PCDHGA6: variants seen among roughly 807,000 people sequenced by gnomAD.
The protein encoded by PCDHGA6 is protocadherin gamma-A6.
A neutral mutation model predicts 60.6 loss-of-function variants in PCDHGA6; 41 were observed. The ratio of observed to expected loss-of-function variants is 0.68; its 90% CI spans 0.53 to 0.88. The LOEUF (loss-of-function observed/expected upper bound fraction) is 0.88. Ranked by LOEUF, PCDHGA6 falls within the 40% of genes least tolerant of loss-of-function variation. PCDHGA6 has a pLI of 0.00. For missense variants in PCDHGA6, 1,312 were observed against 1,203.0 expected (o/e 1.09, Z -1.34); for synonymous variants, 594 against 524.4 (o/e 1.13, Z -1.81).
intron 1 of PCDHGA6, chr5:141,413,675 G>C (rs773300658): frequency 6.2e-7 from 1 of 1,613,826 alleles, no homozygotes; most frequent in Non-Finnish European, 8.5e-7. Context: ...CCGGATGTGG[G>C]CGTGAACTCC....
intron 1 of PCDHGA6, among the ~76,000 whole-genome samples, chr5:141,429,664 ATTATT>A (rs2097234085): frequency 6.6e-6 from 1 of 152,214 alleles, no homozygotes; most frequent in Non-Finnish European, 1.5e-5. Context: ...TTTAAAATAT[ATTATT>A]TTATTTTATG....
intron 1 of PCDHGA6, chr5:141,478,308 T>A: frequency 6.2e-7 from 1 of 1,614,050 alleles, no homozygotes; most frequent in Non-Finnish European, 8.5e-7. Context: ...CGAGCCCCGG[T>A]GAGCTCACTG....
At chr5:141,456,099 G>A (rs1428094221) in intron 1 of PCDHGA6, among the ~76,000 whole-genome samples, 5 of 151,980 alleles carry the variant, frequency 3.3e-5, no homozygotes, top group East Asian at 1.9e-4. Flanking sequence ...GGATTTCACC[G>A]TGTTAGCCAG....
At chr5:141,502,368 G>A (rs2099813930) in intron 2 of PCDHGA6, among the ~76,000 whole-genome samples, 1 of 151,996 alleles carries the variant, frequency 6.6e-6, no homozygotes, top group East Asian at 1.9e-4. Context: ...TATTTTTAAA[G>A]AGTCCAGGCC....
At chr5:141,455,225 C>CA (rs2098817003) in intron 1 of PCDHGA6, among the ~76,000 whole-genome samples, 2 of 151,666 alleles carry the variant, frequency 1.3e-5, no homozygotes, top group South Asian at 2.1e-4. Context: ...AATGCTTTGA[C>CA]AAAAAATGTT....
chr5:141,405,354 T>G lies in PCDHGA6; in HGVS notation c.2424+28847T>G, dbSNP rs781757006. The G allele has an allele frequency of 3.7e-6, 6 of 1,614,112 alleles. No homozygotes were observed. In the East Asian group the frequency reaches 1.3e-4, roughly 36 times the overall value. On this transcript the variant is annotated intron_variant, in intron 1 of 3. Coordinates refer to ENST00000517434, the MANE Select transcript of PCDHGA6 (RefSeq NM_018919.3). The stretch of plus-strand genomic sequence containing the variant: ...GTCTCTGTTGATTCCAAGTTTCCTA[T>G]AGAAGACACCCCTTTGGTTCCGGTG...
intron 1 of PCDHGA6, chr5:141,383,720 A>T (rs963032230): frequency 1.2e-5 from 19 of 1,613,888 alleles, no homozygotes; most frequent in Non-Finnish European, 1.6e-5. Flanking sequence ...GAGGGAGTCA[A>T]TGGGGAAGTG....
intron 1 of PCDHGA6, among the ~76,000 whole-genome samples, chr5:141,488,238 C>T (rs374846692): frequency 5.3e-5 from 8 of 152,036 alleles, no homozygotes; most frequent in Non-Finnish European, 1.0e-4. Flanking sequence ...GAACTAGATG[C>T]GGTAAATTGG....
intron 1 of PCDHGA6, among the ~76,000 whole-genome samples, chr5:141,454,836 C>T (rs1201514890): frequency 1.3e-4 from 11 of 85,100 alleles, no homozygotes; most frequent in African/African-American, 2.1e-4. Context: ...GAGACAGAGT[C>T]GCGCTCTGTC....
chr5:141,477,274 G>A lies in PCDHGA6; in HGVS notation c.2425-17533G>A. The A allele has an allele frequency of 2.5e-6, 4 of 1,614,034 alleles. No homozygotes were observed. Among genetic ancestry groups the A allele is most frequent in the East Asian group, 2.2e-5 (1 of 44,880 alleles). ...ACCTGGATGCTGGCGAGAACGGGCT[G>A]GTGACCTGCGAAGTTCCACCGGGTC... On this transcript the variant is annotated intron_variant, in intron 1 of 3. Coordinates refer to ENST00000517434, the MANE Select transcript of PCDHGA6 (RefSeq NM_018919.3). This position sits in a 1 kb window ranked among gnomAD's most constrained non-coding sequence, Gnocchi z 4.9.
intron 1 of PCDHGA6, chr5:141,424,664 A>G (rs923488035): frequency 1.3e-5 from 2 of 152,124 alleles, no homozygotes; most frequent in African/African-American, 4.8e-5. Context: ...CTTTAATTAA[A>G]CTGATTTAGC....
intron 2 of PCDHGA6, among the ~76,000 whole-genome samples, chr5:141,501,728 C>A (rs1284130771): frequency 1.3e-5 from 2 of 152,134 alleles, no homozygotes; most frequent in East Asian, 1.9e-4. Flanking sequence ...ATATATTACC[C>A]AGTCAGCTTA....
chr5:141,432,506 G>A lies in PCDHGA6; in HGVS notation c.2424+55999G>A. 3 of 1,614,140 alleles carry A rather than the reference G, an allele frequency of 1.9e-6. No homozygotes were observed. Among genetic ancestry groups the A allele is most frequent in the Non-Finnish European group, 2.5e-6 (3 of 1,180,036 alleles). On this transcript the variant is annotated intron_variant, in intron 1 of 3. Transcript: ENST00000517434. This position sits in a 1 kb window ranked among gnomAD's most constrained non-coding sequence, Gnocchi z 6.0. ...CGTGGAGCTGGCTCCCCGCTCCGCA[G>A]AGCCCGGCTACCTGGTGACCAAGGT... is the stretch of plus-strand genomic sequence containing the variant.
At chr5:141,390,526 T>A (rs1405081511) in intron 1 of PCDHGA6, 1 of 548,156 alleles carries the variant, frequency 1.8e-6, no homozygotes, top group African/African-American at 1.9e-5. Flanking sequence ...AATGAGGGTG[T>A]GGTTTTAACC....
rs372479779 is a variant in PCDHGA6, at chr5:141,399,808, C to T, written c.2424+23301C>T. On this transcript the variant is annotated intron_variant, in intron 1 of 3. Coordinates refer to ENST00000517434, the MANE Select transcript of PCDHGA6 (RefSeq NM_018919.3). The stretch of plus-strand genomic sequence containing the variant: ...CGACAACGCACCGCGGGTGCTGTAC[C>T]CCGCGCTGGGTCCCGACGGCTCTGC... 72 of 1,613,090 alleles carry T rather than the reference C, an allele frequency of 4.5e-5. No homozygotes were observed. The highest frequency in any genetic ancestry group is 6.0e-5 in the Non-Finnish European group (71 of 1,179,762).
At chr5:141,402,272 G>A (rs934353221) in intron 1 of PCDHGA6, among the ~76,000 whole-genome samples, 7 of 151,874 alleles carry the variant, frequency 4.6e-5, no homozygotes, top group African/African-American at 1.2e-4. Context: ...TAATTTCAAA[G>A]TGGATAATCT....
At chr5:141,433,605 G>A (rs1411907056) in intron 1 of PCDHGA6, among the ~76,000 whole-genome samples, 1 of 152,114 alleles carries the variant, frequency 6.6e-6, no homozygotes, top group South Asian at 2.1e-4. Context: ...GGAGGCCGAG[G>A]CGGGTGGATC....
intron 1 of PCDHGA6, chr5:141,427,790 C>A: frequency 1.3e-6 from 2 of 1,482,222 alleles, no homozygotes; most frequent in Non-Finnish European, 1.9e-6. Context: ...TGTCGTCCTA[C>A]GTGTCCGTGA....
Position 141,384,817 on chromosome 5 carries a change from C to T in PCDHGA6, c.2424+8310C>T, listed in dbSNP as rs373370095. On this transcript the variant is annotated intron_variant, in intron 1 of 3. Coordinates refer to ENST00000517434, the MANE Select transcript of PCDHGA6 (RefSeq NM_018919.3). Reference sequence around the variant, plus strand: ...CCTGCTGGACAGAGATGCCCTCAAGCAGAGCCTCGTGGTGGCCGTCCAGGA... The same window carrying T: ...CCTGCTGGACAGAGATGCCCTCAAGTAGAGCCTCGTGGTGGCCGTCCAGGA... 4.3e-6 allele frequency: 7 copies of T among 1,613,298 alleles called. No homozygotes were observed. In the African/African-American group the frequency reaches 5.3e-5, roughly 12 times the overall value.
Sources: gnomAD v4.1 joint callset for allele counts (sites outside exome capture counted in the v4.1 genomes callset) on GRCh38, gnomAD v4.1.1 for gene constraint, Gnocchi (gnomAD v3.1) non-coding constraint, MANE v1.5 for transcripts, NCBI Gene and HGNC (gene_info 2026-07-23, HGNC 2026-07-21) for gene names.